The following CTNNA3 variants were observed in gnomAD, a reference collection of about 807,000 sequenced individuals.
The protein encoded by CTNNA3 is catenin alpha-3.
CTNNA3 carries 76 observed loss-of-function variants against 95.7 expected under a neutral mutation model. The ratio of observed to expected loss-of-function variants is 0.79; its 90% CI spans 0.66 to 0.96. The LOEUF is 0.96. Ranked by LOEUF, CTNNA3 falls within the 40% of genes least tolerant of loss-of-function variation. The probability of loss-of-function intolerance (pLI) is 0.00; values close to 1 mark genes in which losing one functional copy is unlikely to be tolerated. For synonymous variants in CTNNA3, 431 were observed against 374.4 expected (o/e 1.15, Z -1.74); for missense variants, 1,191 against 1,089.8 (o/e 1.09, Z -1.31).
chr10:67,626,803 G>A (rs1296677977), intron 2 of CTNNA3, among the ~76,000 whole-genome samples: 2 of 152,054 alleles, frequency 1.3e-5, no homozygotes, highest in African/African-American at 4.8e-5. Flanking sequence ...CTATACATGT[G>A]TTTGCATATT....
intron 7 of CTNNA3, among the ~76,000 whole-genome samples, chr10:67,177,295 A>G (rs1862292797): frequency 1.3e-5 from 2 of 152,198 alleles, no homozygotes; most frequent in South Asian, 4.1e-4. Flanking sequence ...AACTGAATTT[A>G]TTTAGACTCA....
rs80097530 is a variant in CTNNA3 at position 67,557,889 on chromosome 10, C to T, written c.293-18220G>A. On this transcript the variant is annotated intron_variant, in intron 3 of 17. Coordinates refer to ENST00000433211, the MANE Select transcript of CTNNA3 (RefSeq NM_013266.4). Reference sequence around the variant, plus strand: ...GATACTAGGAACTGGGCCTGAGAAACTCTGTCAGGGCTGCCCTAAAAGAAC... The same window carrying T: ...GATACTAGGAACTGGGCCTGAGAAATTCTGTCAGGGCTGCCCTAAAAGAAC... Among the ~76,000 whole-genome samples the T allele has an allele frequency of 1.4e-3, 217 of 152,276 alleles. 3 individuals carry two copies. The East Asian group carries it at 0.035, about 24-fold the overall frequency.
intron 12 of CTNNA3, among the ~76,000 whole-genome samples, chr10:66,345,215 T>C (rs1209141176): frequency 6.6e-6 from 1 of 152,128 alleles, no homozygotes; most frequent in East Asian, 1.9e-4. Flanking sequence ...CAAAGCAAGA[T>C]GCCAGGAGAT....
chr10:67,286,134 T>C (rs1255426973), intron 5 of CTNNA3, among the ~76,000 whole-genome samples: 1 of 152,212 alleles, frequency 6.6e-6, no homozygotes, highest in Non-Finnish European at 1.5e-5. Flanking sequence ...GCAACATTTA[T>C]CCTTCCAGGT....
intron 11 of CTNNA3, among the ~76,000 whole-genome samples, chr10:66,444,017 C>T (rs192005109): frequency 0.12 from 17,709 of 151,772 alleles, 1,505 homozygotes; most frequent in African/African-American, 0.24. Context: ...TCAAGAACTA[C>T]GTGAAGAACG....
chr10:66,588,751 C>A (rs1843446151), intron 10 of CTNNA3, among the ~76,000 whole-genome samples: 1 of 152,064 alleles, frequency 6.6e-6, no homozygotes, highest in African/African-American at 2.4e-5. Context: ...CAAGAAATTT[C>A]TTGAGCATCA....
chr10:67,317,201 GCTT>G (rs1212471940), intron 5 of CTNNA3, among the ~76,000 whole-genome samples: 12 of 150,562 alleles, frequency 8.0e-5, no homozygotes, highest in Non-Finnish European at 1.6e-4. Context: ...TTCTTTTTTT[GCTT>G]CTTTTTTAAA....
At position 66,280,473 on chromosome 10, in the gene CTNNA3, A is replaced by C; in HGVS notation, c.1881T>G (p.Ile627Met). The C allele has an allele frequency of 1.2e-6, 2 of 1,602,818 alleles. No individual in the cohort carries two copies. The highest frequency in any genetic ancestry group is 1.7e-6 in the Non-Finnish European group (2 of 1,175,870). Residue 627 changes from isoleucine (I) to methionine (M), a missense_variant, in exon 13 of 18, where the codon ATT becomes ATG. Ile to Met is a conservative substitution (Grantham distance 10, BLOSUM62 1). Transcript: ENST00000433211. ...IHDIRCSVMM[I>M]RTPEELEDVS... is the part of the protein sequence containing the mutation. ...ATGGAAGGAAAAGCAAACTTACCCG[A>C]ATCATCATGACTGAACATCTGATAT...
chr10:67,214,491 CAT>C, intron 6 of CTNNA3, among the ~76,000 whole-genome samples: 1 of 151,946 alleles, frequency 6.6e-6, no homozygotes, highest in Admixed American at 6.6e-5. Context: ...ACAAAGTATA[CAT>C]AGTTATTAAT....
intron 7 of CTNNA3, among the ~76,000 whole-genome samples, chr10:66,813,917 A>C (rs1424406349): frequency 6.6e-6 from 1 of 151,924 alleles, no homozygotes; most frequent in African/African-American, 2.4e-5. Context: ...AGAGGCAAAA[A>C]ACTCACACAA....
intron 11 of CTNNA3, among the ~76,000 whole-genome samples, chr10:66,464,914 A>G (rs1838843611): frequency 6.6e-6 from 1 of 152,146 alleles, no homozygotes. Context: ...ACTTTTAAAC[A>G]TAAGCTCTCT....
intron 7 of CTNNA3, among the ~76,000 whole-genome samples, chr10:66,910,012 A>G (rs1032411139): frequency 6.6e-6 from 1 of 152,204 alleles, no homozygotes; most frequent in Non-Finnish European, 1.5e-5. Flanking sequence ...ATGCATTTAT[A>G]TGGCATATAT....
chr10:66,078,326 T>C (rs778872320), intron 14 of CTNNA3, among the ~76,000 whole-genome samples: 90 of 152,020 alleles, frequency 5.9e-4, no homozygotes, highest in East Asian at 3.9e-4. Flanking sequence ...CCTATTCCTT[T>C]TCTGTAGAAC....
At chr10:66,228,197 C>A (rs897628431) in intron 13 of CTNNA3, among the ~76,000 whole-genome samples, 2 of 151,576 alleles carry the variant, frequency 1.3e-5, no homozygotes, top group Non-Finnish European at 2.9e-5. Flanking sequence ...TTTATTATTT[C>A]TTTCTATCTA....
intron 9 of CTNNA3, among the ~76,000 whole-genome samples, chr10:66,627,682 A>G (rs549628931): frequency 2.2e-4 from 34 of 152,186 alleles, no homozygotes; most frequent in Admixed American, 2.0e-3. Context: ...CTCTGGGTTT[A>G]GTCAGCCTGC....
chr10:66,614,981 C>T (rs1589499438), intron 10 of CTNNA3, among the ~76,000 whole-genome samples: 1 of 151,956 alleles, frequency 6.6e-6, no homozygotes, highest in Admixed American at 6.6e-5. Flanking sequence ...AATTCTTCTA[C>T]TTCTCAATAA....
chr10:67,621,841 C>T (rs1346085582), intron 2 of CTNNA3, among the ~76,000 whole-genome samples: 2 of 151,966 alleles, frequency 1.3e-5, no homozygotes, highest in East Asian at 1.9e-4. Flanking sequence ...TCGTAGGAGC[C>T]AAATCTGGCC....
chr10:67,190,377 T>C (rs1208521429), intron 6 of CTNNA3, among the ~76,000 whole-genome samples: 1 of 151,996 alleles, frequency 6.6e-6, no homozygotes, highest in Non-Finnish European at 1.5e-5. Context: ...TATGTGTATA[T>C]GAGAGCCTAG....
At chr10:67,482,997 C>T (rs1414848028) in intron 5 of CTNNA3, among the ~76,000 whole-genome samples, 5 of 151,986 alleles carry the variant, frequency 3.3e-5, no homozygotes, top group Non-Finnish European at 1.5e-5. Context: ...ATTTATGTAG[C>T]CAAAAAACAC....
Sources: gnomAD v4.1 joint callset for allele counts (sites outside exome capture counted in the v4.1 genomes callset) on GRCh38, gnomAD v4.1.1 for gene constraint, MANE v1.5 for transcripts, NCBI Gene and HGNC (gene_info 2026-07-23, HGNC 2026-07-21) for gene names.